Variants in DSCAM observed in about 807,000 individuals in gnomAD.
DSCAM encodes DS cell adhesion molecule, also known as cell adhesion molecule DSCAM.
A neutral mutation model predicts 217.7 loss-of-function variants in DSCAM; 47 were observed. That is an observed-to-expected ratio of 0.22 (90% CI 0.17 to 0.28). DSCAM has a LOEUF of 0.28. DSCAM is among the 10% of genes least tolerant of loss of function. DSCAM has a pLI of 1.00. For missense variants in DSCAM, 2,080 were observed against 2,618.3 expected, an observed-to-expected ratio of 0.79 and a Z score of 4.49; for synonymous variants, 1,056 against 1,015.3, an observed-to-expected ratio of 1.04 and a Z score of -0.76.
At position 40,481,154 on chromosome 21, in the gene DSCAM, C is replaced by T. The variant is rs570891845; in HGVS notation, c.509-111909G>A. On this transcript the variant is annotated intron_variant, in intron 3 of 32. Coordinates refer to ENST00000400454, the MANE Select transcript of DSCAM (RefSeq NM_001389.5). ...AAAACTATTAAATTCATTTTTCCCC[C>T]AACAGAAGCTCCCTGCAGCAAAAGT... Among the ~76,000 whole-genome samples the T allele has an allele frequency of 3.5e-4, 53 of 152,172 alleles. No homozygotes were observed. The East Asian group carries it at 9.3e-3, about 27-fold the overall frequency.
intron 1 of DSCAM, among the ~76,000 whole-genome samples, chr21:40,780,423 G>GTGTATA (rs1007015659): frequency 6.0e-4 from 34 of 56,436 alleles, no homozygotes; most frequent in African/African-American, 2.3e-3. Flanking sequence ...GTGTGTGTGT[G>GTGTATA]TATATATATA....
At chr21:40,274,161 C>A (rs751231629) in intron 11 of DSCAM, among the ~76,000 whole-genome samples, 1 of 152,220 alleles carries the variant, frequency 6.6e-6, no homozygotes, top group Non-Finnish European at 1.5e-5. Context: ...GCCACCTCAT[C>A]TCCTTAGTCC....
chr21:40,684,891 T>C (rs1200482443), intron 3 of DSCAM, among the ~76,000 whole-genome samples: 2 of 152,200 alleles, frequency 1.3e-5, no homozygotes, highest in African/African-American at 2.4e-5. Context: ...TCTGATTGAC[T>C]TAGCTGGCCA....
chr21:40,040,746 AC>A (rs1294417758), intron 32 of DSCAM, among the ~76,000 whole-genome samples: 1 of 152,196 alleles, frequency 6.6e-6, no homozygotes, highest in African/African-American at 2.4e-5. Flanking sequence ...GTACACAGTC[AC>A]CAACGCCATT....
chr21:40,627,710 ATC>A (rs1320358849), intron 3 of DSCAM, among the ~76,000 whole-genome samples: 2 of 152,222 alleles, frequency 1.3e-5, no homozygotes, highest in African/African-American at 4.8e-5. Flanking sequence ...TTCACAGCAC[ATC>A]TGTTAGTAGA....
At chr21:40,134,107 C>T (rs1315737441) in intron 18 of DSCAM, 98 bp from the exon 19 acceptor site, 2 of 1,437,724 alleles carry the variant, frequency 1.4e-6, no homozygotes, top group African/African-American at 2.9e-5. Context: ...GCCATGCCAT[C>T]ACCCGTCCAG....
chr21:40,505,361 T>C (rs1000894932), intron 3 of DSCAM, among the ~76,000 whole-genome samples: 4 of 152,228 alleles, frequency 2.6e-5, no homozygotes, highest in African/African-American at 9.6e-5. Context: ...GCTAAAAGAT[T>C]TCTTCCAGTT....
chr21:40,206,706 C>G lies in DSCAM; in HGVS notation c.2357-17468G>C, dbSNP rs1248301558. 3.4e-5 allele frequency among the ~76,000 whole-genome samples: 5 copies of G among 149,214 alleles called. No homozygotes were observed. In the East Asian group the frequency reaches 9.8e-4, roughly 29 times the overall value. Reference sequence around the variant, plus strand: ...TTTGCCAAAAAAAAAAAAAAATGTTCAAAAGAAGCCTGGGCAACATAGCAA... The same window carrying G: ...TTTGCCAAAAAAAAAAAAAAATGTTGAAAAGAAGCCTGGGCAACATAGCAA... On this transcript the variant is annotated intron_variant, in intron 11 of 32. Transcript: ENST00000400454.
At chr21:40,436,615 G>C (rs1340274033) in intron 3 of DSCAM, among the ~76,000 whole-genome samples, 2 of 152,334 alleles carry the variant, frequency 1.3e-5, no homozygotes, top group East Asian at 1.9e-4. Flanking sequence ...CCTGAGACTT[G>C]TTTGGCAGAA....
chr21:40,179,011 T>C lies in DSCAM; in HGVS notation c.2863A>G (p.Thr955Ala). The C allele has an allele frequency of 1.2e-6, 2 of 1,613,206 alleles. No homozygotes were observed. The highest frequency in any genetic ancestry group is 1.7e-6 in the Non-Finnish European group (2 of 1,179,800). Residue 955 changes from threonine to alanine, a missense_variant, in exon 15 of 33, where the codon ACC becomes GCC. By Grantham distance (58) the Thr-to-Ala change is moderately conservative. Transcript: ENST00000400454. ...TTGGCGTACATGCGGATGCTGTAGG[T>C]GGAGGAAGGGTGGATATCAATGATG... is the stretch of plus-strand genomic sequence containing the variant. ...ATIIDIHPSS[T>A]YSIRMYAKNR...
chr21:40,179,009 G>A lies in DSCAM; in HGVS notation c.2865C>T (p.Thr955=), dbSNP rs2090766137. 6.2e-7 allele frequency: 1 copy of A among 1,614,066 alleles called. No homozygotes were observed. Among genetic ancestry groups the A allele is most frequent in the Non-Finnish European group, 8.5e-7 (1 of 1,180,016 alleles). ...ATIIDIHPSS[T]YSIRMYAKNR... ...TCTTGGCGTACATGCGGATGCTGTA[G>A]GTGGAGGAAGGGTGGATATCAATGA... The change falls in exon 15 of 33, where the codon ACC becomes ACT. Residue 955 remains threonine, a synonymous_variant. Transcript: ENST00000400454.
intron 32 of DSCAM, among the ~76,000 whole-genome samples, chr21:40,022,704 G>A (rs531046693): frequency 1.3e-5 from 2 of 152,062 alleles, no homozygotes. Flanking sequence ...CTCTGCTTCT[G>A]CCTCCAGGTA....
chr21:40,605,470 A>G (rs2089221419), intron 3 of DSCAM, among the ~76,000 whole-genome samples: 1 of 152,208 alleles, frequency 6.6e-6, no homozygotes, highest in Non-Finnish European at 1.5e-5. Context: ...TTTTCTTACG[A>G]AGGGCCAAAT....
chr21:40,410,185 GAAGAT>G (rs1226858413), intron 3 of DSCAM, among the ~76,000 whole-genome samples: 1 of 152,018 alleles, frequency 6.6e-6, no homozygotes, highest in Non-Finnish European at 1.5e-5. Flanking sequence ...TAAGACTTTA[GAAGAT>G]AAGAAATTTA....
At chr21:40,223,339 C>T (rs1041560811) in intron 11 of DSCAM, among the ~76,000 whole-genome samples, 21 of 152,216 alleles carry the variant, frequency 1.4e-4, no homozygotes, top group African/African-American at 5.1e-4. Context: ...CATTTCTGAG[C>T]CACGTTGAAC....
At chr21:40,020,705 C>A (rs2088250168) in intron 32 of DSCAM, among the ~76,000 whole-genome samples, 1 of 152,220 alleles carries the variant, frequency 6.6e-6, no homozygotes, top group African/African-American at 2.4e-5. Flanking sequence ...TGCCCTCCTT[C>A]TGCCCTGCTC....
intron 1 of DSCAM, among the ~76,000 whole-genome samples, chr21:40,794,305 T>C (rs1438395797): frequency 6.6e-6 from 1 of 152,196 alleles, no homozygotes; most frequent in Admixed American, 6.5e-5. Flanking sequence ...TTCATTTTTT[T>C]CCTTGCTGCA....
chr21:40,723,972 ATGTC>A (rs1247791967), intron 1 of DSCAM, among the ~76,000 whole-genome samples: 4 of 152,234 alleles, frequency 2.6e-5, no homozygotes, highest in Admixed American at 2.6e-4. Flanking sequence ...TACCCAGAAA[ATGTC>A]TGAGTATTGT....
Position 40,438,911 on chromosome 21 carries a change from T to A in DSCAM, c.509-69666A>T, listed in dbSNP as rs908330073. Among the ~76,000 whole-genome samples the A allele has an allele frequency of 3.3e-5, 5 of 149,628 alleles. No individual in the cohort carries two copies. In the East Asian group the frequency reaches 9.8e-4, roughly 29 times the overall value. On this transcript the variant is annotated intron_variant, in intron 3 of 32. Coordinates refer to ENST00000400454, the MANE Select transcript of DSCAM (RefSeq NM_001389.5). ...CATCTTAGATTTATAAATTTTACAA[T>A]TTTTTTTTTCTGGAAGGTAGCCATA...
Sources: allele counts gnomAD v4.1 joint callset (sites outside exome capture counted in the v4.1 genomes callset), GRCh38; gene constraint gnomAD v4.1.1; transcripts MANE v1.5; gene names NCBI Gene and HGNC (gene_info 2026-07-23, HGNC 2026-07-21).